Variants in OLFM3 observed in about 807,000 individuals in gnomAD.
OLFM3 encodes olfactomedin 3, also known as noelin-3.
In OLFM3, 20 loss-of-function variants were observed where a neutral mutation model predicts 48.6. The observed-to-expected ratio is 0.41, with a 90% confidence interval of 0.29 to 0.60. OLFM3 has a LOEUF of 0.60. Among genes scored for constraint, OLFM3 ranks in the 20% least tolerant of loss-of-function variants. OLFM3 has a pLI of 0.28. For synonymous variants in OLFM3, 222 were observed against 198.1 expected (o/e 1.12, Z -1.01); for missense variants, 437 against 544.3 (o/e 0.80, Z 1.96).
intron 4 of OLFM3, among the ~76,000 whole-genome samples, chr1:101,811,825 C>G (rs12096280): frequency 6.6e-6 from 1 of 152,096 alleles, no homozygotes; most frequent in African/African-American, 2.4e-5. Context: ...ACCCAGCCAT[C>G]CCATTACTGG....
intron 1 of OLFM3, among the ~76,000 whole-genome samples, chr1:101,933,151 G>A (rs888533310): frequency 3.5e-4 from 44 of 127,102 alleles, no homozygotes; most frequent in African/African-American, 1.2e-3. Flanking sequence ...GCAGTGAGCT[G>A]AGATCACGCC....
At chr1:101,864,567 T>C (rs375111345) in intron 1 of OLFM3, among the ~76,000 whole-genome samples, 85 of 152,302 alleles carry the variant, frequency 5.6e-4, no homozygotes, top group South Asian at 2.7e-3. Flanking sequence ...TCTAACAAAA[T>C]TGTATAGGTT....
At chr1:101,946,004 T>C (rs1659952954) in intron 1 of OLFM3, among the ~76,000 whole-genome samples, 1 of 152,108 alleles carries the variant, frequency 6.6e-6, no homozygotes, top group South Asian at 2.1e-4. Flanking sequence ...GTGCCAAAAA[T>C]GTTGTCTTGT....
chr1:101,844,494 C>G (rs1321255814), intron 1 of OLFM3, among the ~76,000 whole-genome samples: 5 of 152,142 alleles, frequency 3.3e-5, no homozygotes, highest in Non-Finnish European at 5.9e-5. Flanking sequence ...TAACTTGGTT[C>G]CACACTTGCC....
chr1:101,958,318 C>T (rs1359728708), intron 1 of OLFM3, among the ~76,000 whole-genome samples: 2 of 152,026 alleles, frequency 1.3e-5, no homozygotes, highest in Non-Finnish European at 1.5e-5. Flanking sequence ...GCCCATCATA[C>T]CTTTTCAACT....
At chr1:101,820,465 A>G (rs1474144557) in intron 4 of OLFM3, among the ~76,000 whole-genome samples, 1 of 152,164 alleles carries the variant, frequency 6.6e-6, no homozygotes, top group Non-Finnish European at 1.5e-5. Context: ...ATATCTAGAA[A>G]TGTGACATGA....
chr1:101,892,833 A>G (rs1488441214), intron 1 of OLFM3, among the ~76,000 whole-genome samples: 1 of 152,084 alleles, frequency 6.6e-6, no homozygotes, highest in Non-Finnish European at 1.5e-5. Context: ...GAATGTGTTT[A>G]TAAACAAGTG....
At chr1:101,953,281 G>T (rs1388152171) in intron 1 of OLFM3, among the ~76,000 whole-genome samples, 1 of 151,904 alleles carries the variant, frequency 6.6e-6, no homozygotes, top group Non-Finnish European at 1.5e-5. Flanking sequence ...GGCAAACTTT[G>T]GCTTGTGGGC....
intron 4 of OLFM3, among the ~76,000 whole-genome samples, chr1:101,824,673 CAA>C (rs1654771127): frequency 1.3e-5 from 2 of 150,130 alleles, no homozygotes; most frequent in Non-Finnish European, 3.0e-5. Flanking sequence ...ACAACAACAA[CAA>C]CAACAACAAA....
intron 1 of OLFM3, among the ~76,000 whole-genome samples, chr1:101,956,475 C>T (rs915779580): frequency 6.6e-6 from 1 of 151,842 alleles, no homozygotes; most frequent in Non-Finnish European, 1.5e-5. Flanking sequence ...AATACTCCAT[C>T]TACCCTCACC....
At chr1:101,953,197 T>A (rs145612760) in intron 1 of OLFM3, among the ~76,000 whole-genome samples, 36 of 152,326 alleles carry the variant, frequency 2.4e-4, no homozygotes, top group Middle Eastern at 6.8e-3. Flanking sequence ...TTATTGTGAC[T>A]ACTAGAATAT....
chr1:101,968,245 C>G (rs111979353), intron 1 of OLFM3, among the ~76,000 whole-genome samples: 16 of 152,296 alleles, frequency 1.1e-4, no homozygotes, highest in African/African-American at 3.6e-4. Flanking sequence ...GCATTTGGCA[C>G]TAGTTTGAAT....
rs1653574967 is a variant in OLFM3 at position 101,803,187 on chromosome 1, G to A, written c.*1051C>T. On this transcript the variant is annotated 3_prime_UTR_variant, in exon 6 of 6. Transcript: ENST00000370103. Reference sequence around the variant, plus strand: ...TTTTTTTTTCTAAGAGTTTTCAAATGTGCTTATTTTCAGGGTCCTGACATA... The same window carrying A: ...TTTTTTTTTCTAAGAGTTTTCAAATATGCTTATTTTCAGGGTCCTGACATA... 6.6e-6 allele frequency: 1 copy of A among 151,898 alleles called. No homozygotes were observed. Among genetic ancestry groups the A allele is most frequent in the Non-Finnish European group, 1.5e-5 (1 of 67,696 alleles). 9.4% of individuals were successfully genotyped at this position (151,898 alleles called of 1,614,324 possible). A position where few individuals can be genotyped will look rare whatever the true frequency, so the allele number is the denominator to read the frequency against.
At chr1:101,917,503 GC>G (rs66539131) in intron 1 of OLFM3, among the ~76,000 whole-genome samples, 65,694 of 151,772 alleles carry the variant, frequency 0.43, 14,305 homozygotes, top group East Asian at 0.59. Context: ...TGCAACCTCT[GC>G]CTCTCAGGTT....
At chr1:101,982,410 G>A (rs751895493) in intron 1 of OLFM3, among the ~76,000 whole-genome samples, 12 of 152,046 alleles carry the variant, frequency 7.9e-5, no homozygotes, top group Non-Finnish European at 1.6e-4. Flanking sequence ...GACAGAGATA[G>A]GAATATAAAG....
At chr1:101,852,394 C>T (rs1656257085) in intron 1 of OLFM3, among the ~76,000 whole-genome samples, 3 of 152,072 alleles carry the variant, frequency 2.0e-5, no homozygotes, top group African/African-American at 7.2e-5. Context: ...GGGCAGCATT[C>T]ATGTGAATTT....
chr1:101,834,213 T>C (rs763327881), intron 2 of OLFM3, among the ~76,000 whole-genome samples: 15 of 152,192 alleles, frequency 9.9e-5, no homozygotes, highest in Admixed American at 2.6e-4. Context: ...CAAACGGATC[T>C]GTTAGAGCCA....
intron 1 of OLFM3, among the ~76,000 whole-genome samples, chr1:101,986,097 C>T (rs1307381097): frequency 6.6e-6 from 1 of 151,804 alleles, no homozygotes; most frequent in Non-Finnish European, 1.5e-5. Flanking sequence ...TCCCGAGTAG[C>T]TGGGACTACA....
intron 1 of OLFM3, among the ~76,000 whole-genome samples, chr1:101,899,792 A>G (rs1316200640): frequency 1.3e-5 from 2 of 152,214 alleles, no homozygotes; most frequent in African/African-American, 4.8e-5. Flanking sequence ...TAAAAATTTA[A>G]TATGTAAATA....
Sources: gnomAD v4.1 joint callset for allele counts (sites outside exome capture counted in the v4.1 genomes callset) on GRCh38, gnomAD v4.1.1 for gene constraint, MANE v1.5 for transcripts, NCBI Gene and HGNC (gene_info 2026-07-23, HGNC 2026-07-21) for gene names.